The following ZNF708 variants were observed in gnomAD, a reference collection of about 807,000 sequenced individuals.
ZNF708 encodes the protein zinc finger protein 708.
ZNF708 carries 44 observed loss-of-function variants against 47.0 expected under a neutral mutation model. The observed-to-expected ratio is 0.94, with a 90% CI of 0.74 to 1.20. The LOEUF (loss-of-function observed/expected upper bound fraction) is 1.20. ZNF708 is among the 50% of genes most tolerant of loss of function. The pLI is 0.00. For missense variants in ZNF708, 557 were observed against 656.0 expected (o/e 0.85, Z 1.65); for synonymous variants, 184 against 218.5 (o/e 0.84, Z 1.39).
intron 1 of ZNF708, 24 bp from the exon 2 acceptor site, chr19:21,310,651 A>G: frequency 6.9e-7 from 1 of 1,451,260 alleles, no homozygotes. Flanking sequence ...ACACACACAC[A>G]TATTTACCAA....
chr19:21,302,701 A>T (rs921056636), intron 3 of ZNF708, among the ~76,000 whole-genome samples: 5 of 152,142 alleles, frequency 3.3e-5, no homozygotes, highest in Admixed American at 2.6e-4. Context: ...TGTGTCTCAA[A>T]AAAATAAAAT....
chr19:21,304,539 T>C (rs1972722220), intron 3 of ZNF708, among the ~76,000 whole-genome samples: 1 of 152,132 alleles, frequency 6.6e-6, no homozygotes, highest in Non-Finnish European at 1.5e-5. Context: ...ATACACACAA[T>C]ATTCTTACTT....
At chr19:21,324,523 T>A (rs1381556682) in intron 1 of ZNF708, among the ~76,000 whole-genome samples, 2 of 151,720 alleles carry the variant, frequency 1.3e-5, no homozygotes, top group East Asian at 3.9e-4. Flanking sequence ...GCCGAGATCA[T>A]GACATTGCAC....
chr19:21,320,329 C>T (rs967957032), intron 1 of ZNF708, among the ~76,000 whole-genome samples: 2 of 152,162 alleles, frequency 1.3e-5, no homozygotes, highest in African/African-American at 4.8e-5. Flanking sequence ...TATTGCAGTA[C>T]TATTCACAAT....
chr19:21,300,149 C>A (rs998920751), intron 3 of ZNF708, among the ~76,000 whole-genome samples: 3 of 149,604 alleles, frequency 2.0e-5, no homozygotes, highest in Non-Finnish European at 3.0e-5. Flanking sequence ...ACTAAAAATA[C>A]AAAATTAGCC....
chr19:21,307,093 A>G (rs1349429849), intron 3 of ZNF708, among the ~76,000 whole-genome samples: 1 of 145,834 alleles, frequency 6.9e-6, no homozygotes, highest in Non-Finnish European at 1.5e-5. Context: ...AATATAAAAT[A>G]CAAAATAAAA....
rs1972395126 is a variant in ZNF708 at position 21,291,584 on chromosome 19, G to C, written c.*1690C>G. ...CTTTTCAAGGAAAAAAGAACACTTTGGGCCGGGCGCTGTGGCTTAAGCCTG... is the reference window on the plus strand; with the variant it reads ...CTTTTCAAGGAAAAAAGAACACTTTCGGCCGGGCGCTGTGGCTTAAGCCTG... On this transcript the variant is annotated 3_prime_UTR_variant, in exon 4 of 4. Transcript: ENST00000356929. The C allele has an allele frequency of 6.6e-6, 1 of 152,080 alleles. No individual in the cohort carries two copies. The highest frequency in any genetic ancestry group is 2.4e-5 in the African/African-American group (1 of 41,400). 9.4% of individuals were successfully genotyped at this position (152,080 alleles called of 1,614,324 possible). A position where few individuals can be genotyped will look rare whatever the true frequency, so the allele number is the denominator to read the frequency against.
chr19:21,317,670 A>C (rs1162642136), intron 1 of ZNF708, among the ~76,000 whole-genome samples: 1 of 152,252 alleles, frequency 6.6e-6, no homozygotes, highest in Non-Finnish European at 1.5e-5. Context: ...CATCACAATC[A>C]ATCTGCTTAA....
chr19:21,304,282 C>G (rs1479437956), intron 3 of ZNF708, among the ~76,000 whole-genome samples: 1 of 150,722 alleles, frequency 6.6e-6, no homozygotes, highest in African/African-American at 2.4e-5. Context: ...TTTAACCAAC[C>G]AGCTCTCATT....
chr19:21,311,167 T>A (rs1436113273), intron 1 of ZNF708, among the ~76,000 whole-genome samples: 1 of 152,184 alleles, frequency 6.6e-6, no homozygotes, highest in Non-Finnish European at 1.5e-5. Context: ...CCTGTGTTTT[T>A]TTCAGTTTTA....
At chr19:21,328,214 A>G (rs1973302262) in intron 1 of ZNF708, 1 of 157,806 alleles carries the variant, frequency 6.3e-6, no homozygotes, top group Non-Finnish European at 1.4e-5. Context: ...GAAATTTCAT[A>G]AAATACAGTG....
chr19:21,299,641 T>C (rs1050268573), intron 3 of ZNF708, among the ~76,000 whole-genome samples: 3 of 151,306 alleles, frequency 2.0e-5, no homozygotes, highest in African/African-American at 7.3e-5. Flanking sequence ...GGGGTGGTGA[T>C]GCACACCTGT....
At position 21,329,331 on chromosome 19, in the gene ZNF708, C is replaced by T. The variant is rs1015486308; in HGVS notation, c.-119G>A. On this transcript the variant is annotated 5_prime_UTR_variant, in exon 1 of 4. Transcript: ENST00000356929. ...GGACAAACAGCAGTGAAGACGAGAC[C>T]GGAGCTCCGGCTGCAGCAAGAGACA... The T allele has an allele frequency of 1.3e-6, 2 of 1,483,832 alleles. No individual in the cohort carries two copies. The highest frequency in any genetic ancestry group is 2.8e-5 in the African/African-American group (2 of 71,776). 91.9% of individuals were successfully genotyped at this position (1,483,832 alleles called of 1,614,324 possible).
Position 21,310,491 on chromosome 19 carries a change from T to G in ZNF708, c.130+10A>C. On this transcript the variant is annotated intron_variant, in intron 2 of 3. Coordinates refer to ENST00000356929, the MANE Select transcript of ZNF708 (RefSeq NM_021269.3). ...TAATAAAAATTAAAAAAAAAAAAACTTATCCTCACCCAGGAATACCAGGTT... is the reference window on the plus strand; with the variant it reads ...TAATAAAAATTAAAAAAAAAAAAACGTATCCTCACCCAGGAATACCAGGTT... 1 of 1,323,684 alleles carries G rather than the reference T, an allele frequency of 7.6e-7. No individual in the cohort carries two copies. Among genetic ancestry groups the G allele is most frequent in the Non-Finnish European group, 9.8e-7 (1 of 1,020,750 alleles). The allele number at this position is 1,323,684 out of a possible 1,614,324, so 82.0% of individuals were successfully genotyped here.
chr19:21,323,457 A>T (rs1443559123), intron 1 of ZNF708, among the ~76,000 whole-genome samples: 1 of 152,040 alleles, frequency 6.6e-6, no homozygotes, highest in Non-Finnish European at 1.5e-5. Flanking sequence ...TGATTTTTTC[A>T]CCCTGCATTT....
In ZNF708 at chr19:21,293,891, T is replaced by G. The variant is rs145103647; in HGVS notation, c.1075A>C (p.Thr359Pro). 3.4e-4 allele frequency: 549 copies of G among 1,613,466 alleles called. 2 individuals carry two copies. In the African/African-American group the frequency reaches 6.5e-3, roughly 19 times the overall value. The change falls in exon 4 of 4, where the codon ACT becomes CCT. Residue 359 changes from threonine to proline, a missense_variant. Physicochemically the swap from Thr to Pro is conservative, Grantham distance 38. Coordinates refer to ENST00000356929, the MANE Select transcript of ZNF708 (RefSeq NM_021269.3). Reference sequence around the variant, plus strand: ...TCACATTTGTAGGGTTTCTCTTCAGTATGAATTATCTTATGTTTAGTAAGG... The same window carrying G: ...TCACATTTGTAGGGTTTCTCTTCAGGATGAATTATCTTATGTTTAGTAAGG... ...STLTKHKIIH[T>P]EEKPYKCEEC...
chr19:21,324,002 G>A (rs1266901159), intron 1 of ZNF708, among the ~76,000 whole-genome samples: 1 of 152,104 alleles, frequency 6.6e-6, no homozygotes, highest in African/African-American at 2.4e-5. Flanking sequence ...CACTTTGGGA[G>A]GCTGAGGCGG....
intron 3 of ZNF708, among the ~76,000 whole-genome samples, chr19:21,295,268 T>C (rs1266098272): frequency 6.6e-6 from 1 of 151,850 alleles, no homozygotes; most frequent in Non-Finnish European, 1.5e-5. Flanking sequence ...CAGTACCACA[T>C]ACAGGAAACA....
At chr19:21,312,719 C>A (rs546500466) in intron 1 of ZNF708, among the ~76,000 whole-genome samples, 2 of 152,068 alleles carry the variant, frequency 1.3e-5, no homozygotes, top group Non-Finnish European at 2.9e-5. Context: ...AAACAAGACC[C>A]CTGTCAATGT....
Sources: gnomAD v4.1 joint callset for allele counts (sites outside exome capture counted in the v4.1 genomes callset) on GRCh38, gnomAD v4.1.1 for gene constraint, MANE v1.5 for transcripts, NCBI Gene and HGNC (gene_info 2026-07-23, HGNC 2026-07-21) for gene names.